TGFBR2: variants seen among roughly 807,000 people sequenced by gnomAD.
TGFBR2 encodes transforming growth factor beta receptor 2.
TGFBR2 carries 18 observed loss-of-function variants against 49.0 expected under a neutral mutation model. That is an observed-to-expected ratio of 0.37 (90% confidence interval 0.25 to 0.54). TGFBR2 has a LOEUF of 0.54. Among genes scored for constraint, TGFBR2 ranks in the 20% least tolerant of loss-of-function variants. TGFBR2 has a pLI of 0.85. For synonymous variants in TGFBR2, 282 were observed against 275.9 expected (o/e 1.02, Z -0.22); for missense variants, 525 against 722.6 (o/e 0.73, Z 3.13).
At chr3:30,650,159 C>G (rs1698852106) in intron 2 of TGFBR2, 111 bp from the exon 3 acceptor site, 5 of 1,134,928 alleles carry the variant, frequency 4.4e-6, no homozygotes, top group Non-Finnish European at 6.7e-6. Context: ...GGAACAACTT[C>G]ATGAAGGAAA....
intron 3 of TGFBR2, among the ~76,000 whole-genome samples, chr3:30,656,442 C>T (rs774042353): frequency 1.3e-4 from 20 of 152,176 alleles, no homozygotes; most frequent in Non-Finnish European, 2.8e-4. Flanking sequence ...CGAATGTTTT[C>T]AAGATGCATT....
In TGFBR2 at chr3:30,672,110, G is replaced by C. The variant is rs756625146; in HGVS notation, c.927G>C (p.Thr309=). 1 of 1,614,184 alleles carries C rather than the reference G, an allele frequency of 6.2e-7. No homozygotes were observed. Among genetic ancestry groups the C allele is most frequent in the Non-Finnish European group, 8.5e-7 (1 of 1,180,024 alleles). The change falls in exon 4 of 7, where the codon ACG becomes ACC. Residue 309 remains threonine (T), a synonymous_variant. Transcript: ENST00000295754. The surrounding 1 kb of genome is among the most constrained non-coding windows in gnomAD (Gnocchi z 4.5). ...LKHENILQFL[T]AEERKTELGK... The stretch of plus-strand genomic sequence containing the variant: ...ATGAGAACATACTCCAGTTCCTGAC[G>C]GCTGAGGAGCGGAAGACGGAGTTGG...
chr3:30,633,014 C>T (rs1698465038), intron 1 of TGFBR2, among the ~76,000 whole-genome samples: 1 of 152,172 alleles, frequency 6.6e-6, no homozygotes, highest in African/African-American at 2.4e-5. Flanking sequence ...TCTTCAACTC[C>T]TAGTAGTCAC....
chr3:30,639,668 A>G (rs919430643), intron 1 of TGFBR2, among the ~76,000 whole-genome samples: 3 of 152,200 alleles, frequency 2.0e-5, no homozygotes, highest in Non-Finnish European at 4.4e-5. Flanking sequence ...AATTGTGTCA[A>G]TTTCAGTGGT....
At chr3:30,659,690 T>C (rs555142735) in intron 3 of TGFBR2, among the ~76,000 whole-genome samples, 1 of 151,250 alleles carries the variant, frequency 6.6e-6, no homozygotes, top group East Asian at 1.9e-4. Flanking sequence ...TTCCATCCAC[T>C]GGATATGAGT....
chr3:30,628,157 A>G (rs181311831), intron 1 of TGFBR2, among the ~76,000 whole-genome samples: 1 of 146,978 alleles, frequency 6.8e-6, no homozygotes, highest in African/African-American at 2.5e-5. Flanking sequence ...TTTTAATCTT[A>G]AAAGGATTAT....
At chr3:30,619,343 GCCCTCAGTTAAATCT>G (rs925349839) in intron 1 of TGFBR2, among the ~76,000 whole-genome samples, 1 of 152,108 alleles carries the variant, frequency 6.6e-6, no homozygotes. Flanking sequence ...CACAGGCATT[GCCCTCAGTTAAATCT>G]CCCCCCAGAT....
intron 5 of TGFBR2, among the ~76,000 whole-genome samples, chr3:30,682,455 A>G (rs1035759608): frequency 1.3e-5 from 2 of 152,128 alleles, no homozygotes; most frequent in African/African-American, 4.8e-5. Flanking sequence ...GGTTCTTGTT[A>G]TAGGTTAGCC....
intron 5 of TGFBR2, among the ~76,000 whole-genome samples, chr3:30,686,281 T>C (rs1317540896): frequency 1.3e-5 from 2 of 152,158 alleles, no homozygotes; most frequent in African/African-American, 2.4e-5. Flanking sequence ...TGGTTGAAGA[T>C]AAGGAATGAA....
At position 30,606,960 on chromosome 3, in the gene TGFBR2, C is replaced by G; in HGVS notation, c.77C>G (p.Pro26Arg). The stretch of plus-strand genomic sequence containing the variant: ...ACGCGTATCGCCAGCACGATCCCAC[C>G]GCACGTTCAGAAGTCGGGTGAGTGG... ...LWTRIASTIP[P>R]HVQKSVNNDM... The change falls in exon 1 of 7, where the codon CCG (proline) becomes CGG (arginine). Residue 26 changes from proline (P) to arginine (R), a missense_variant. Pro to Arg is a moderately radical substitution (Grantham distance 103). Coordinates refer to ENST00000295754, the MANE Select transcript of TGFBR2 (RefSeq NM_003242.6). 1 of 1,601,180 alleles carries G rather than the reference C, an allele frequency of 6.2e-7. No individual in the cohort carries two copies. The highest frequency in any genetic ancestry group is 8.5e-7 in the Non-Finnish European group (1 of 1,174,230).
At chr3:30,671,027 G>A (rs374790562) in intron 3 of TGFBR2, among the ~76,000 whole-genome samples, 7 of 152,324 alleles carry the variant, frequency 4.6e-5, no homozygotes, top group African/African-American at 9.6e-5. Context: ...ACTGTGGCAC[G>A]CTCTGTGTTT....
intron 5 of TGFBR2, among the ~76,000 whole-genome samples, chr3:30,675,549 GCTAATATTT>G (rs2125440687): frequency 6.6e-6 from 1 of 152,192 alleles, no homozygotes; most frequent in African/African-American, 2.4e-5. Flanking sequence ...ACCACGCTCA[GCTAATATTT>G]GTATTTTTAG....
chr3:30,646,370 G>A (rs1004504037), intron 2 of TGFBR2, among the ~76,000 whole-genome samples: 2 of 152,234 alleles, frequency 1.3e-5, no homozygotes, highest in Non-Finnish European at 1.5e-5. Context: ...TGTGTTCAGA[G>A]GAGAGGGACC....
At position 30,606,687 on chromosome 3, in the gene TGFBR2, G is replaced by A. The variant is rs1697925157; in HGVS notation, c.-197G>A. 5.2e-6 allele frequency: 2 copies of A among 385,524 alleles called. No homozygotes were observed. Among genetic ancestry groups the A allele is most frequent in the South Asian group, 1.4e-4 (1 of 7,034 alleles). The allele number at this position is 385,524 out of a possible 1,614,324, so 23.9% of individuals were successfully genotyped here. A position where few individuals can be genotyped will look rare whatever the true frequency, so the allele number is the denominator to read the frequency against. The stretch of plus-strand genomic sequence containing the variant: ...TCCTGTGCAGCTTCCCTCGGCCGCC[G>A]GGGGCCTCCCCGCGCCTCGCCGGCC... On this transcript the variant is annotated 5_prime_UTR_variant, in exon 1 of 7. Transcript: ENST00000295754.
At chr3:30,612,796 CAAA>C (rs1174859465) in intron 1 of TGFBR2, among the ~76,000 whole-genome samples, 1 of 152,102 alleles carries the variant, frequency 6.6e-6, no homozygotes, top group Non-Finnish European at 1.5e-5. Flanking sequence ...TCCAACATAA[CAAA>C]GAAGAAGGGG....
chr3:30,670,651 C>T (rs561012594), intron 3 of TGFBR2, among the ~76,000 whole-genome samples: 2 of 152,316 alleles, frequency 1.3e-5, no homozygotes, highest in Admixed American at 1.3e-4. Context: ...GCCAACAAGG[C>T]CAGCACATGA....
intron 1 of TGFBR2, among the ~76,000 whole-genome samples, chr3:30,637,727 G>A (rs113164102): frequency 0.017 from 2,520 of 152,138 alleles, 86 homozygotes; most frequent in African/African-American, 0.058. Context: ...GTTGCGTTGT[G>A]TTCCTTGTTT....
At chr3:30,621,958 A>G (rs34900340) in intron 1 of TGFBR2, among the ~76,000 whole-genome samples, 68,575 of 151,980 alleles carry the variant, frequency 0.45, 16,492 homozygotes, top group East Asian at 0.58. Context: ...CTTATTTCAT[A>G]TATATAAGCA....
chr3:30,663,088 G>T (rs900186557), intron 3 of TGFBR2, among the ~76,000 whole-genome samples: 1 of 152,098 alleles, frequency 6.6e-6, no homozygotes, highest in African/African-American at 2.4e-5. Flanking sequence ...TATGTAACAT[G>T]CCAACAAAAT....
Sources: gnomAD v4.1 joint callset for allele counts (sites outside exome capture counted in the v4.1 genomes callset) on GRCh38, gnomAD v4.1.1 for gene constraint, Gnocchi (gnomAD v3.1) non-coding constraint, MANE v1.5 for transcripts, NCBI Gene and HGNC (gene_info 2026-07-23, HGNC 2026-07-21) for gene names.